Variants in CYP2C18 observed in about 807,000 individuals in gnomAD.
CYP2C18 encodes cytochrome P450 family 2 subfamily C member 18.
In CYP2C18, 38 loss-of-function variants were observed where a neutral mutation model predicts 41.3. The observed-to-expected ratio is 0.92, with a 90% confidence interval of 0.71 to 1.21. The LOEUF (loss-of-function observed/expected upper bound fraction) is 1.21. Among genes scored for constraint, CYP2C18 ranks in the 50% most tolerant of loss-of-function variants. CYP2C18 has a pLI of 0.00. For synonymous variants in CYP2C18, 236 were observed against 210.0 expected, an observed-to-expected ratio of 1.12 and a Z score of -1.07; for missense variants, 635 against 591.4, an observed-to-expected ratio of 1.07 and a Z score of -0.77.
At chr10:94,705,449 C>G (rs182679082) in intron 4 of CYP2C18, among the ~76,000 whole-genome samples, 1 of 152,268 alleles carries the variant, frequency 6.6e-6, no homozygotes, top group East Asian at 1.9e-4. Context: ...GTGCAGTAAA[C>G]CACCATGGCA....
intron 7 of CYP2C18, among the ~76,000 whole-genome samples, chr10:94,730,706 C>T (rs569442249): frequency 9.9e-5 from 15 of 152,146 alleles, no homozygotes; most frequent in African/African-American, 2.4e-4. Flanking sequence ...AGAAAGAAAA[C>T]GTATTCAAAT....
intron 1 of CYP2C18, 61 bp from the exon 2 acceptor site, chr10:94,687,709 G>T: frequency 2.8e-6 from 4 of 1,420,434 alleles, no homozygotes; most frequent in Non-Finnish European, 3.9e-6. Context: ...CTGAATCACG[G>T]ACAATATATA....
At chr10:94,698,028 A>C (rs1221779519) in intron 4 of CYP2C18, among the ~76,000 whole-genome samples, 1 of 152,170 alleles carries the variant, frequency 6.6e-6, no homozygotes, top group Non-Finnish European at 1.5e-5. Flanking sequence ...ACACAATAAT[A>C]ATGGGAGACT....
chr10:94,696,066 G>A (rs1589794623), intron 4 of CYP2C18, among the ~76,000 whole-genome samples: 3 of 152,298 alleles, frequency 2.0e-5, no homozygotes, highest in East Asian at 3.9e-4. Context: ...GCAGGGCATA[G>A]CCAAACAAAA....
intron 4 of CYP2C18, among the ~76,000 whole-genome samples, chr10:94,699,679 G>C (rs1847195495): frequency 6.6e-6 from 1 of 152,194 alleles, no homozygotes; most frequent in Non-Finnish European, 1.5e-5. Flanking sequence ...AAAGGAGGAA[G>C]TAAAATTTTC....
chr10:94,688,168 T>C lies in CYP2C18; in HGVS notation c.375T>C (p.Arg125=), dbSNP rs754432591. 9.3e-6 allele frequency: 15 copies of C among 1,613,584 alleles called. No homozygotes were observed. Among genetic ancestry groups the C allele is most frequent in the Non-Finnish European group, 1.3e-5 (15 of 1,179,808 alleles). The change falls in exon 3 of 9, where the codon CGT becomes CGC. Residue 125 remains arginine, a synonymous_variant. Transcript: ENST00000285979. ...SNGKRWKEIR[R]FCLMTLRNFG... The stretch of plus-strand genomic sequence containing the variant: ...GAAAGAGATGGAAGGAGATCCGGCG[T>C]TTCTGCCTCATGACTCTGCGGAATT...
chr10:94,699,827 C>G (rs530647419), intron 4 of CYP2C18, among the ~76,000 whole-genome samples: 1 of 152,220 alleles, frequency 6.6e-6, no homozygotes, highest in East Asian at 1.9e-4. Context: ...TTCTTATACA[C>G]CAATAACAGA....
intron 7 of CYP2C18, among the ~76,000 whole-genome samples, chr10:94,727,807 A>G (rs1194490340): frequency 6.6e-6 from 1 of 152,122 alleles, no homozygotes; most frequent in Non-Finnish European, 1.5e-5. Flanking sequence ...ATGTGCATAC[A>G]TCTACATTTT....
chr10:94,732,445 A>G (rs1564650220), intron 7 of CYP2C18, among the ~76,000 whole-genome samples: 2 of 152,216 alleles, frequency 1.3e-5, no homozygotes, highest in South Asian at 4.1e-4. Flanking sequence ...GAGAACTACA[A>G]TTTGATCCAG....
chr10:94,691,834 C>A (rs1246290411), intron 3 of CYP2C18, among the ~76,000 whole-genome samples: 1 of 152,078 alleles, frequency 6.6e-6, no homozygotes, highest in Non-Finnish European at 1.5e-5. Flanking sequence ...AGATATAGAC[C>A]AATGGAACAG....
rs1335788222 is a variant in CYP2C18, at chr10:94,695,056, T to C, written c.621T>C (p.Ile207=). The change falls in exon 4 of 9, where the codon ATT becomes ATC. Residue 207 remains isoleucine (I), a synonymous_variant. Coordinates refer to ENST00000285979, the MANE Select transcript of CYP2C18 (RefSeq NM_000772.3). ...AAAAATTCAATGAAAACCTCAGGAT[T>C]CTGAGCTCTCCATGGATCCAGGTGA... ...LMEKFNENLR[I]LSSPWIQVCN... is the part of the protein sequence containing the mutation. The C allele has an allele frequency of 6.2e-7, 1 of 1,612,544 alleles. No homozygotes were observed. Among genetic ancestry groups the C allele is most frequent in the Admixed American group, 1.7e-5 (1 of 59,956 alleles).
chr10:94,694,619 T>C (rs1847078407), intron 3 of CYP2C18, among the ~76,000 whole-genome samples: 1 of 151,774 alleles, frequency 6.6e-6, no homozygotes, highest in African/African-American at 2.4e-5. Context: ...GCCTCTTTAA[T>C]TTTTTTTGTT....
intron 4 of CYP2C18, among the ~76,000 whole-genome samples, chr10:94,701,629 T>TA (rs1346592999): frequency 6.6e-6 from 1 of 151,850 alleles, no homozygotes; most frequent in Non-Finnish European, 1.5e-5. Flanking sequence ...AAAAAATAAT[T>TA]AAAAAAAGAA....
rs1847899935 is a variant in CYP2C18, at chr10:94,735,271, A to G, written c.1300A>G (p.Met434Val). 3 of 1,613,218 alleles carry G rather than the reference A, an allele frequency of 1.9e-6. No homozygotes were observed. Among genetic ancestry groups the G allele is most frequent in the Admixed American group, 1.7e-5 (1 of 59,898 alleles). ...YFMPFSAGKR[M>V]CMGEGLARME... ...ATGTCTCTTATTTTCAGGAAAACGG[A>G]TGTGTATGGGAGAGGGCCTGGCCCG... Residue 434 changes from methionine (M) to valine (V), a missense_variant, in exon 9 of 9, where the codon ATG becomes GTG. Coordinates refer to ENST00000285979, the MANE Select transcript of CYP2C18 (RefSeq NM_000772.3).
At chr10:94,684,032 AACCTC>A (rs746175122) in intron 1 of CYP2C18, 45 bp downstream of exon 1, 2 of 1,385,470 alleles carry the variant, frequency 1.4e-6, no homozygotes, top group Non-Finnish European at 2.0e-6. Context: ...AGGTGTATTT[AACCTC>A]ACAATTCTTA....
chr10:94,690,554 C>T (rs1386476744), intron 3 of CYP2C18, among the ~76,000 whole-genome samples: 1 of 152,024 alleles, frequency 6.6e-6, no homozygotes, highest in Non-Finnish European at 1.5e-5. Flanking sequence ...AGCTTACCAA[C>T]CAAAAAAAGT....
intron 8 of CYP2C18, chr10:94,733,707 C>A (rs915928516): frequency 1.9e-6 from 1 of 540,456 alleles, no homozygotes; most frequent in Non-Finnish European, 2.4e-6. Context: ...CATCACTGAG[C>A]TACCCAAGAG....
At chr10:94,733,573 T>A in intron 8 of CYP2C18, 135 bp downstream of exon 8, 1 of 1,472,444 alleles carries the variant, frequency 6.8e-7, no homozygotes. Context: ...CCTATGCCCA[T>A]GCGATTTCCC....
chr10:94,717,227 A>G (rs953266962), intron 5 of CYP2C18, among the ~76,000 whole-genome samples: 2 of 152,142 alleles, frequency 1.3e-5, no homozygotes, highest in South Asian at 4.1e-4. Context: ...TGTCATTATG[A>G]TGTTAGCTGG....
Sources: gnomAD v4.1 joint callset for allele counts (sites outside exome capture counted in the v4.1 genomes callset) on GRCh38, gnomAD v4.1.1 for gene constraint, MANE v1.5 for transcripts, NCBI Gene and HGNC (gene_info 2026-07-23, HGNC 2026-07-21) for gene names.